PTPN1: variants seen among roughly 807,000 people sequenced by gnomAD.
The protein encoded by PTPN1 is tyrosine-protein phosphatase non-receptor type 1.
Under a neutral mutation model 59.9 loss-of-function variants are expected in PTPN1, and 12 were observed. The observed-to-expected ratio is 0.20, with a 90% confidence interval of 0.13 to 0.32. The LOEUF is 0.32. Ranked by LOEUF, PTPN1 falls within the 10% of genes least tolerant of loss-of-function variation. The probability of loss-of-function intolerance (pLI) is 1.00; values close to 1 mark genes in which losing one functional copy is unlikely to be tolerated. For synonymous variants in PTPN1, 178 were observed against 203.6 expected (o/e 0.87, Z 1.07); for missense variants, 356 against 549.2 (o/e 0.65, Z 3.52).
At chr20:50,551,174 T>C (rs2082700683) in intron 1 of PTPN1, among the ~76,000 whole-genome samples, 1 of 152,224 alleles carries the variant, frequency 6.6e-6, no homozygotes, top group African/African-American at 2.4e-5. Flanking sequence ...TTTGTAAGCA[T>C]GTTACCCCTT....
chr20:50,574,270 C>T (rs531881120), intron 4 of PTPN1: 8 of 455,436 alleles, frequency 1.8e-5, no homozygotes, highest in Middle Eastern at 5.5e-4. Flanking sequence ...CCCGTTGCCA[C>T]GTTTGACCGG....
At chr20:50,538,029 C>T (rs560816248) in intron 1 of PTPN1, among the ~76,000 whole-genome samples, 2 of 152,168 alleles carry the variant, frequency 1.3e-5, no homozygotes, top group South Asian at 4.2e-4. Flanking sequence ...AATAGGCCAT[C>T]GAGCTTTCTC....
chr20:50,511,996 C>A (rs1046435162), intron 1 of PTPN1, among the ~76,000 whole-genome samples: 2 of 152,072 alleles, frequency 1.3e-5, no homozygotes, highest in African/African-American at 4.8e-5. Context: ...CCTTGATTTT[C>A]ATGTGGATTT....
rs1020546804 is a variant in PTPN1, at chr20:50,568,279, G to A, written c.256-101G>A. The A allele has an allele frequency of 1.0e-6, 1 of 996,536 alleles. No individual in the cohort carries two copies. Among genetic ancestry groups the A allele is most frequent in the Admixed American group, 1.8e-5 (1 of 54,584 alleles). 61.7% of individuals were successfully genotyped at this position (996,536 alleles called of 1,614,324 possible). A position where few individuals can be genotyped will look rare whatever the true frequency, so the allele number is the denominator to read the frequency against. On this transcript the variant is annotated intron_variant, in intron 3 of 9. Transcript: ENST00000371621. This position sits in a 1 kb window ranked among gnomAD's most constrained non-coding sequence, Gnocchi z 5.6. ...TCAGCCACCACTCTGCCTAAGCTGT[G>A]GGGACTGAGGGCGCTGTCGTTAGCT...
intron 5 of PTPN1, 69 bp downstream of exon 5, chr20:50,574,723 G>T: frequency 1.3e-6 from 2 of 1,513,892 alleles, no homozygotes; most frequent in East Asian, 2.4e-5. Flanking sequence ...TTATCCCTTG[G>T]GTGATATTAC....
At chr20:50,581,033 G>A (rs2082865752) in intron 8 of PTPN1, among the ~76,000 whole-genome samples, 1 of 152,120 alleles carries the variant, frequency 6.6e-6, no homozygotes, top group Admixed American at 6.5e-5. Flanking sequence ...CCTGGGTGTG[G>A]GTGCTATCTG....
chr20:50,568,370 G>T lies in PTPN1; in HGVS notation c.256-10G>T. The T allele has an allele frequency of 6.2e-7, 1 of 1,612,038 alleles. No homozygotes were observed. The highest frequency in any genetic ancestry group is 8.5e-7 in the Non-Finnish European group (1 of 1,178,090). The stretch of plus-strand genomic sequence containing the variant: ...CAGATGTCACATGTTGTGTTATTGT[G>T]TCTTTGCAGGGCCCTTTGCCTAACA... On this transcript the variant is annotated splice_polypyrimidine_tract_variant and intron_variant, in intron 3 of 9. Transcript: ENST00000371621. This position sits in a 1 kb window ranked among gnomAD's most constrained non-coding sequence, Gnocchi z 5.6.
Position 50,582,321 on chromosome 20 carries a change from A to C in PTPN1, c.1285-371A>C, listed in dbSNP as rs992503864. On this transcript the variant is annotated intron_variant, in intron 9 of 9. Transcript: ENST00000371621. This position sits in a 1 kb window ranked among gnomAD's most constrained non-coding sequence, Gnocchi z 4.2. ...AATTCAGAGAAGTGGGCTCCACCTC[A>C]TTGGGAGAAGTGCCATTTCAGCAGA... 9.2e-5 allele frequency among the ~76,000 whole-genome samples: 14 copies of C among 152,208 alleles called. No individual in the cohort carries two copies. The highest frequency in any genetic ancestry group is 3.4e-4 in the African/African-American group (14 of 41,456).
intron 1 of PTPN1, among the ~76,000 whole-genome samples, chr20:50,521,490 A>G (rs1053356166): frequency 6.6e-6 from 1 of 152,256 alleles, no homozygotes; most frequent in South Asian, 2.1e-4. Flanking sequence ...TCCTGGATTC[A>G]GCTTCACAAT....
chr20:50,511,060 C>G (rs1273036133), intron 1 of PTPN1, among the ~76,000 whole-genome samples: 1 of 152,082 alleles, frequency 6.6e-6, no homozygotes, highest in Non-Finnish European at 1.5e-5. Flanking sequence ...TCTCAGTGTG[C>G]GTCGAGTCCC....
chr20:50,583,074 C>T lies in PTPN1; in HGVS notation c.*359C>T, dbSNP rs959643541. 2 of 305,872 alleles carry T rather than the reference C, an allele frequency of 6.5e-6. No individual in the cohort carries two copies. The highest frequency in any genetic ancestry group is 4.2e-5 in the African/African-American group (2 of 47,726). The allele number at this position is 305,872 out of a possible 1,614,324, so 18.9% of individuals were successfully genotyped here. A position where few individuals can be genotyped will look rare whatever the true frequency, so the allele number is the denominator to read the frequency against. Reference sequence around the variant, plus strand: ...CAGGCGGGCGGCACGCCAACAGCCCCCCCCTTGAATCTGCAGGGAGCAACT... The same window carrying T: ...CAGGCGGGCGGCACGCCAACAGCCCTCCCCTTGAATCTGCAGGGAGCAACT... On this transcript the variant is annotated 3_prime_UTR_variant, in exon 10 of 10. Coordinates refer to ENST00000371621, the MANE Select transcript of PTPN1 (RefSeq NM_002827.4).
At position 50,585,096 on chromosome 20, in the gene PTPN1, T is replaced by C. The variant is rs2082893711; in HGVS notation, c.*2381T>C. On this transcript the variant is annotated 3_prime_UTR_variant, in exon 10 of 10. Transcript: ENST00000371621. ...TTTGAGTTGTAATCTCAAAACCATA[T>C]CCCTTACCCAATTACCTGTAAGACA... 6.6e-6 allele frequency: 1 copy of C among 152,178 alleles called. No individual in the cohort carries two copies. Among genetic ancestry groups the C allele is most frequent in the African/African-American group, 2.4e-5 (1 of 41,448 alleles). The allele number at this position is 152,178 out of a possible 1,614,324, so 9.4% of individuals were successfully genotyped here.
intron 1 of PTPN1, among the ~76,000 whole-genome samples, chr20:50,512,712 A>G (rs1212641876): frequency 6.6e-6 from 1 of 152,206 alleles, no homozygotes. Flanking sequence ...TCCTAAGTGT[A>G]AAAGTAGCTC....
At chr20:50,514,188 C>T (rs182782609) in intron 1 of PTPN1, among the ~76,000 whole-genome samples, 83 of 152,348 alleles carry the variant, frequency 5.4e-4, no homozygotes, top group African/African-American at 1.9e-3. Flanking sequence ...AGTAAACCAA[C>T]CAGTGGTTCT....
At chr20:50,513,040 G>A (rs796915840) in intron 1 of PTPN1, among the ~76,000 whole-genome samples, 7 of 152,272 alleles carry the variant, frequency 4.6e-5, no homozygotes, top group African/African-American at 1.7e-4. Flanking sequence ...ACAAAAAGAT[G>A]TAAAAACTTG....
chr20:50,561,491 C>A, intron 2 of PTPN1, 38 bp downstream of exon 2: 1 of 1,402,590 alleles, frequency 7.1e-7, no homozygotes, highest in South Asian at 1.2e-5. Context: ...CTTGCTCTTC[C>A]TTTGCTGCAG....
intron 2 of PTPN1, among the ~76,000 whole-genome samples, chr20:50,563,809 G>A (rs919494369): frequency 5.3e-5 from 8 of 151,994 alleles, no homozygotes; most frequent in Admixed American, 3.9e-4. Flanking sequence ...GCTCTTATTA[G>A]CTCTACTAAC....
At chr20:50,567,399 C>T (rs1601410281) in intron 3 of PTPN1, among the ~76,000 whole-genome samples, 1 of 151,818 alleles carries the variant, frequency 6.6e-6, no homozygotes, top group Non-Finnish European at 1.5e-5. Flanking sequence ...TGTACTCCAG[C>T]CTGGGTGATG....
Position 50,584,690 on chromosome 20 carries a change from T to C in PTPN1, c.*1975T>C, listed in dbSNP as rs2122815752. 6.6e-6 allele frequency: 1 copy of C among 152,206 alleles called. No individual in the cohort carries two copies. The highest frequency in any genetic ancestry group is 1.9e-4 in the East Asian group (1 of 5,198). The allele number at this position is 152,206 out of a possible 1,614,324, so 9.4% of individuals were successfully genotyped here. A position where few individuals can be genotyped will look rare whatever the true frequency, so the allele number is the denominator to read the frequency against. On this transcript the variant is annotated 3_prime_UTR_variant, in exon 10 of 10. Coordinates refer to ENST00000371621, the MANE Select transcript of PTPN1 (RefSeq NM_002827.4). ...CACAGAACTGTCAGACTGTACAGTT[T>C]TCCAACTTGCCATATTCATGATGGG... is the stretch of plus-strand genomic sequence containing the variant.
Sources: gnomAD v4.1 joint callset for allele counts (sites outside exome capture counted in the v4.1 genomes callset) on GRCh38, gnomAD v4.1.1 for gene constraint, Gnocchi (gnomAD v3.1) non-coding constraint, MANE v1.5 for transcripts, NCBI Gene and HGNC (gene_info 2026-07-23, HGNC 2026-07-21) for gene names.